The following SULF2 variants were observed in gnomAD, a reference collection of about 807,000 sequenced individuals.
SULF2 encodes extracellular sulfatase Sulf-2.
SULF2 carries 52 observed loss-of-function variants against 107.7 expected under a neutral mutation model. That is an observed-to-expected ratio of 0.48 (90% CI 0.39 to 0.61). SULF2 has a LOEUF of 0.61. SULF2 is among the 20% of genes least tolerant of loss of function. The probability of loss-of-function intolerance (pLI) is 0.00; values close to 1 mark genes in which losing one functional copy is unlikely to be tolerated. For synonymous variants in SULF2, 460 were observed against 464.3 expected, an observed-to-expected ratio of 0.99 and a Z score of 0.12; for missense variants, 993 against 1,177.3, an observed-to-expected ratio of 0.84 and a Z score of 2.29.
chr20:47,670,597 A>C lies in SULF2; in HGVS notation c.1576+1601T>G, dbSNP rs149533269. 3.8e-3 allele frequency among the ~76,000 whole-genome samples: 298 copies of C among 77,438 alleles called. 7 individuals are homozygous for C. In the East Asian group the frequency reaches 0.09, roughly 23 times the overall value. 50.8% of individuals were successfully genotyped at this position (77,438 alleles called of 152,430 possible). A position where few individuals can be genotyped will look rare whatever the true frequency, so the allele number is the denominator to read the frequency against. On this transcript the variant is annotated intron_variant, in intron 11 of 20. Transcript: ENST00000688720. ...GGACAAATACTGTACAATTCCACTT[A>C]CATGAGGCCCCTAAAGCAGTCAAGC...
In SULF2 at chr20:47,684,754, C is replaced by T. The variant is rs182867539; in HGVS notation, c.738-173G>A. ...TTGGCATGTCAGGGGCTTATCCAAA[C>T]CCTGTTTCAGCGTTTCTCCACGTGT... is the stretch of plus-strand genomic sequence containing the variant. On this transcript the variant is annotated intron_variant, in intron 5 of 20. Transcript: ENST00000688720. The T allele has an allele frequency of 4.8e-3, 2,821 of 589,330 alleles. 21 individuals carry two copies. The highest frequency in any genetic ancestry group is 6.0e-3 in the Non-Finnish European group (2,072 of 347,078). The allele number at this position is 589,330 out of a possible 1,614,324, so 36.5% of individuals were successfully genotyped here.
At chr20:47,670,573 G>T (rs771530653) in intron 11 of SULF2, among the ~76,000 whole-genome samples, 1 of 142,304 alleles carries the variant, frequency 7.0e-6, no homozygotes, top group South Asian at 2.3e-4. Flanking sequence ...GCCACAGAAG[G>T]ACAAATACTG....
Position 47,657,789 on chromosome 20 carries a change from A to G in SULF2, c.*573T>C, listed in dbSNP as rs1321032399. On this transcript the variant is annotated 3_prime_UTR_variant, in exon 21 of 21. Transcript: ENST00000688720. Reference sequence around the variant, plus strand: ...ACATGTAAATAGTCACATATATACAATGAAGGCAGTTTCTTCAGAGGCAAC... The same window carrying G: ...ACATGTAAATAGTCACATATATACAGTGAAGGCAGTTTCTTCAGAGGCAAC... The G allele has an allele frequency of 1.3e-5, 2 of 154,272 alleles. No homozygotes were observed. The highest frequency in any genetic ancestry group is 6.4e-5 in the Admixed American group (1 of 15,682). 9.6% of individuals were successfully genotyped at this position (154,272 alleles called of 1,614,324 possible).
intron 3 of SULF2, among the ~76,000 whole-genome samples, chr20:47,717,813 AT>A (rs11484145): frequency 0.25 from 34,410 of 135,168 alleles, 3,976 homozygotes; most frequent in Middle Eastern, 0.41. Flanking sequence ...TTCAGAGATA[AT>A]TTTTTTTTTT....
intron 4 of SULF2, among the ~76,000 whole-genome samples, chr20:47,699,245 C>T (rs1671496761): frequency 6.6e-6 from 1 of 152,020 alleles, no homozygotes; most frequent in Non-Finnish European, 1.5e-5. Flanking sequence ...TTTTCATTCA[C>T]CTTGGAATAG....
Position 47,666,574 on chromosome 20 carries a change from G to A in SULF2, c.1577-86C>T. On this transcript the variant is annotated intron_variant, in intron 11 of 20. Transcript: ENST00000688720. The surrounding 1 kb of genome is among the most constrained non-coding windows in gnomAD (Gnocchi z 5.4). ...GGCAGTGGGTCCTTCATCAAGATAGGGCCGGGCTTCCAAGCATGAGGCTCA... is the reference window on the plus strand; with the variant it reads ...GGCAGTGGGTCCTTCATCAAGATAGAGCCGGGCTTCCAAGCATGAGGCTCA... The A allele has an allele frequency of 9.1e-7, 1 of 1,094,724 alleles. No homozygotes were observed. The allele number at this position is 1,094,724 out of a possible 1,614,324, so 67.8% of individuals were successfully genotyped here.
chr20:47,727,730 AC>A (rs2089483759), intron 3 of SULF2, among the ~76,000 whole-genome samples: 1 of 152,202 alleles, frequency 6.6e-6, no homozygotes, highest in Admixed American at 6.5e-5. Context: ...GCACTGGGTG[AC>A]TAGTGCTTAG....
At chr20:47,765,717 T>C (rs1214652908) in intron 1 of SULF2, among the ~76,000 whole-genome samples, 1 of 152,214 alleles carries the variant, frequency 6.6e-6, no homozygotes, top group African/African-American at 2.4e-5. Context: ...CCCTGTCCCC[T>C]GGGAGGTTCA....
intron 4 of SULF2, among the ~76,000 whole-genome samples, chr20:47,695,856 G>T (rs9305100): frequency 6.6e-6 from 1 of 152,176 alleles, no homozygotes; most frequent in African/African-American, 2.4e-5. Flanking sequence ...CAAGTGATCC[G>T]CCTGGTTTGG....
chr20:47,763,632 C>A (rs554463455), intron 1 of SULF2, among the ~76,000 whole-genome samples: 49 of 152,274 alleles, frequency 3.2e-4, no homozygotes, highest in Non-Finnish European at 3.4e-4. Context: ...GGGCCAGAGC[C>A]CCGCAACAGA....
chr20:47,772,308 T>C, intron 1 of SULF2, among the ~76,000 whole-genome samples: 1 of 152,244 alleles, frequency 6.6e-6, no homozygotes, highest in Non-Finnish European at 1.5e-5. Flanking sequence ...CAGGCCTCTG[T>C]CCATGAGATG....
chr20:47,665,091 G>T, intron 14 of SULF2, 108 bp downstream of exon 14: 1 of 787,260 alleles, frequency 1.3e-6, no homozygotes, highest in Non-Finnish European at 2.2e-6. Flanking sequence ...GAGGGGAGAA[G>T]ATAAAGATAA....
At chr20:47,700,847 T>C (rs933243113) in intron 4 of SULF2, among the ~76,000 whole-genome samples, 1 of 152,108 alleles carries the variant, frequency 6.6e-6, no homozygotes, top group Non-Finnish European at 1.5e-5. Context: ...GGTTTCACCA[T>C]GTTGGCCAGG....
Position 47,678,737 on chromosome 20 carries a change from G to A in SULF2, c.1132C>T (p.Pro378Ser). ...ATGGATTTCCCGTCCATATCCGCAG[G>A]TATGTCCAGGCCTGCAATGTCCAGG... ...TILDIAGLDI[P>S]ADMDGKSILK... The change falls in exon 8 of 21, where the codon CCT (proline) becomes TCT (serine). Residue 378 changes from proline to serine, a missense_variant. Pro to Ser is a moderately conservative substitution (Grantham distance 74, BLOSUM62 -1). Transcript: ENST00000688720. This position sits in a 1 kb window ranked among gnomAD's most constrained non-coding sequence, Gnocchi z 4.5. The A allele has an allele frequency of 6.2e-7, 1 of 1,614,028 alleles. No homozygotes were observed. Among genetic ancestry groups the A allele is most frequent in the Non-Finnish European group, 8.5e-7 (1 of 1,180,020 alleles).
intron 2 of SULF2, among the ~76,000 whole-genome samples, chr20:47,737,160 G>A (rs976926016): frequency 6.6e-6 from 1 of 152,140 alleles, no homozygotes; most frequent in African/African-American, 2.4e-5. Flanking sequence ...CTGAGGTCCA[G>A]GTCTGGAGTC....
At chr20:47,769,946 G>A (rs935610545) in intron 1 of SULF2, among the ~76,000 whole-genome samples, 1 of 151,948 alleles carries the variant, frequency 6.6e-6, no homozygotes, top group Non-Finnish European at 1.5e-5. Flanking sequence ...CTGTCCTGAG[G>A]TAGGAAGATG....
chr20:47,757,140 G>A, intron 2 of SULF2, 49 bp downstream of exon 2: 1 of 1,491,742 alleles, frequency 6.7e-7, no homozygotes, highest in Non-Finnish European at 9.0e-7. Flanking sequence ...CTAACCCAGG[G>A]ACCCTGCTCC....
intron 1 of SULF2, among the ~76,000 whole-genome samples, chr20:47,769,337 G>A (rs1286942994): frequency 6.6e-6 from 1 of 151,020 alleles, no homozygotes; most frequent in African/African-American, 2.4e-5. Flanking sequence ...ACCGCGCCCG[G>A]CCACACCTGC....
intron 2 of SULF2, among the ~76,000 whole-genome samples, chr20:47,752,903 C>G (rs908849936): frequency 6.6e-6 from 1 of 151,962 alleles, no homozygotes; most frequent in Admixed American, 6.6e-5. Flanking sequence ...GAGTTCGAGG[C>G]CAACCTGGCC....
Sources: gnomAD v4.1 joint callset for allele counts (sites outside exome capture counted in the v4.1 genomes callset) on GRCh38, gnomAD v4.1.1 for gene constraint, Gnocchi (gnomAD v3.1) non-coding constraint, MANE v1.5 for transcripts, NCBI Gene and HGNC (gene_info 2026-07-23, HGNC 2026-07-21) for gene names.